KCNIP1: variants seen among roughly 807,000 people sequenced by gnomAD.
KCNIP1 encodes potassium voltage-gated channel interacting protein 1.
KCNIP1 carries 18 observed loss-of-function variants against 33.0 expected under a neutral mutation model. The observed-to-expected ratio is 0.55, with a 90% CI of 0.38 to 0.81. The LOEUF is 0.81. Among genes scored for constraint, KCNIP1 ranks in the 30% least tolerant of loss-of-function variants. The probability of loss-of-function intolerance (pLI) is 0.00; values close to 1 mark genes in which losing one functional copy is unlikely to be tolerated. For synonymous variants in KCNIP1, 93 were observed against 98.3 expected (o/e 0.95, Z 0.32); for missense variants, 238 against 271.6 (o/e 0.88, Z 0.87).
At chr5:170,538,623 C>T (rs968686735) in intron 1 of KCNIP1, among the ~76,000 whole-genome samples, 2 of 151,806 alleles carry the variant, frequency 1.3e-5, no homozygotes, top group African/African-American at 4.8e-5. Flanking sequence ...CTCCCTTGCA[C>T]CAGCTGTGTC....
At chr5:170,460,628 C>A (rs563846602) in intron 1 of KCNIP1, among the ~76,000 whole-genome samples, 12 of 152,230 alleles carry the variant, frequency 7.9e-5, no homozygotes, top group African/African-American at 2.9e-4. Context: ...AAGCATTCAA[C>A]AAAATCCAGC....
intron 5 of KCNIP1, among the ~76,000 whole-genome samples, chr5:170,726,743 T>TAAAAAAAA (rs1764019336): frequency 3.5e-5 from 1 of 28,628 alleles, no homozygotes; most frequent in African/African-American, 1.4e-4. Flanking sequence ...CTACTAAAAA[T>TAAAAAAAA]ACAAAAAAAA....
At chr5:170,363,058 A>G (rs1763557811) in intron 1 of KCNIP1, among the ~76,000 whole-genome samples, 1 of 152,234 alleles carries the variant, frequency 6.6e-6, no homozygotes. Flanking sequence ...GGCCATCGCC[A>G]TCCTCTGTTG....
intron 1 of KCNIP1, among the ~76,000 whole-genome samples, chr5:170,488,628 C>T (rs910415342): frequency 2.0e-5 from 3 of 152,104 alleles, no homozygotes; most frequent in African/African-American, 4.8e-5. Context: ...TTCAGAGCTC[C>T]GAGAAGCAAG....
intron 1 of KCNIP1, among the ~76,000 whole-genome samples, chr5:170,455,214 A>G (rs535016177): frequency 2.6e-5 from 4 of 152,292 alleles, no homozygotes; most frequent in East Asian, 1.9e-4. Context: ...CTATACACCA[A>G]CTAGGCCTAA....
At chr5:170,589,781 T>C (rs781737769) in intron 1 of KCNIP1, among the ~76,000 whole-genome samples, 1,504 of 120,766 alleles carry the variant, frequency 0.012, 27 homozygotes, top group African/African-American at 0.04. Context: ...TGGTGTGGTG[T>C]GATGTGATGT....
chr5:170,362,711 G>T (rs1368785474), intron 1 of KCNIP1, among the ~76,000 whole-genome samples: 1 of 152,234 alleles, frequency 6.6e-6, no homozygotes, highest in African/African-American at 2.4e-5. Context: ...GCAGGAATCA[G>T]GTAGGGAGGT....
Position 170,390,517 on chromosome 5 carries a change from A to AAATATATATATATATAT in KCNIP1, c.88+36554_88+36555insATATATATATATATATA. ...GACCCCGTCTCAAAAAAAAAAAACA[A>AAATATATATATATATAT]ATATATATATATATATATATATTTT... On this transcript the variant is annotated intron_variant, in intron 1 of 7. Coordinates refer to the KCNIP1 transcript ENST00000377360. Among the ~76,000 whole-genome samples the AAATATATATATATATAT allele has an allele frequency of 1.5e-4, 11 of 74,542 alleles. 1 individual carries two copies. The highest frequency in any genetic ancestry group is 8.8e-4 in the South Asian group (2 of 2,266). The allele number at this position is 74,542 out of a possible 152,430, so 48.9% of individuals were successfully genotyped here. A position where few individuals can be genotyped will look rare whatever the true frequency, so the allele number is the denominator to read the frequency against.
chr5:170,576,034 A>G (rs1172015918), intron 1 of KCNIP1, among the ~76,000 whole-genome samples: 1 of 152,216 alleles, frequency 6.6e-6, no homozygotes, highest in Admixed American at 6.5e-5. Flanking sequence ...TATTCTGCTC[A>G]CTGCCTGCAG....
At chr5:170,607,571 C>T (rs974909203) in intron 1 of KCNIP1, among the ~76,000 whole-genome samples, 3 of 152,294 alleles carry the variant, frequency 2.0e-5, no homozygotes, top group African/African-American at 4.8e-5. Flanking sequence ...AGGTGAACCC[C>T]AAATCTGTCT....
At chr5:170,599,115 C>A (rs991404224) in intron 1 of KCNIP1, among the ~76,000 whole-genome samples, 33 of 152,052 alleles carry the variant, frequency 2.2e-4, no homozygotes, top group Non-Finnish European at 7.4e-5. Flanking sequence ...CTGGAAGGAG[C>A]ACCAGATAGA....
At chr5:170,534,489 GA>G (rs1581285572) in intron 1 of KCNIP1, among the ~76,000 whole-genome samples, 1 of 135,236 alleles carries the variant, frequency 7.4e-6, no homozygotes, top group Non-Finnish European at 1.5e-5. Flanking sequence ...GGAGGAGGAG[GA>G]GGAGGAGGAG....
chr5:170,490,802 G>T (rs1302488195), intron 1 of KCNIP1, among the ~76,000 whole-genome samples: 1 of 152,048 alleles, frequency 6.6e-6, no homozygotes, highest in Admixed American at 6.5e-5. Flanking sequence ...AGCTCCCTAG[G>T]CCCAGCCCCA....
rs551966269 is a variant in KCNIP1, at chr5:170,616,845, T to C, written c.62-101913T>C. Among the ~76,000 whole-genome samples, 147 of 152,206 alleles carry C rather than the reference T, an allele frequency of 9.7e-4. 2 individuals carry two copies. The South Asian group carries it at 0.021, about 21-fold the overall frequency. On this transcript the variant is annotated intron_variant, in intron 1 of 7. Coordinates refer to ENST00000328939, the MANE Select transcript of KCNIP1 (RefSeq NM_014592.4). ...CACCTGCCTTCACTTGGCTAACTCC[T>C]ACTTCTGCCTTGTGCCACTGCTTGG...
chr5:170,585,947 A>G (rs1219224507), intron 1 of KCNIP1, among the ~76,000 whole-genome samples: 1 of 152,234 alleles, frequency 6.6e-6, no homozygotes, highest in Non-Finnish European at 1.5e-5. Context: ...TCTCAAGCAC[A>G]TGGCCTTGGC....
chr5:170,356,321 T>C (rs1763347153), intron 1 of KCNIP1, among the ~76,000 whole-genome samples: 1 of 152,184 alleles, frequency 6.6e-6, no homozygotes, highest in South Asian at 2.1e-4. Context: ...AAAGAATGTG[T>C]TGGACCAGGT....
chr5:170,436,495 A>G (rs1473023941), intron 1 of KCNIP1, among the ~76,000 whole-genome samples: 2 of 152,342 alleles, frequency 1.3e-5, no homozygotes. Context: ...GTCTTGGGTC[A>G]GCACTGGAAT....
exon 1 of KCNIP1, chr5:170,353,785 TCA>T (rs1180240913): frequency 2.6e-6 from 3 of 1,154,868 alleles, no homozygotes; most frequent in African/African-American, 3.0e-5. Flanking sequence ...CAGGGTTCAT[TCA>T]CCCAGGCAGG....
chr5:170,574,874 C>T (rs529745251), intron 1 of KCNIP1, among the ~76,000 whole-genome samples: 1 of 152,304 alleles, frequency 6.6e-6, no homozygotes, highest in South Asian at 2.1e-4. Context: ...CCCGTGCAGA[C>T]ATGGGGGAAA....
Sources: gnomAD v4.1 joint callset for allele counts (sites outside exome capture counted in the v4.1 genomes callset) on GRCh38, gnomAD v4.1.1 for gene constraint, MANE v1.5 for transcripts, NCBI Gene and HGNC (gene_info 2026-07-23, HGNC 2026-07-21) for gene names.